Variants in NRXN1 observed in about 807,000 individuals in gnomAD.
The protein encoded by NRXN1 is neurexin-1.
Under a neutral mutation model 150.9 loss-of-function variants are expected in NRXN1, and 39 were observed. The observed-to-expected ratio is 0.26, with a 90% CI of 0.20 to 0.34. NRXN1 has a LOEUF of 0.34. Ranked by LOEUF, NRXN1 falls within the 10% of genes least tolerant of loss-of-function variation. The probability of loss-of-function intolerance (pLI) is 1.00; values close to 1 mark genes in which losing one functional copy is unlikely to be tolerated. For synonymous variants in NRXN1, 924 were observed against 757.0 expected (o/e 1.22, Z -3.62); for missense variants, 1,815 against 1,949.9 (o/e 0.93, Z 1.30).
At chr2:50,642,334 T>C (rs968608092) in intron 5 of NRXN1, among the ~76,000 whole-genome samples, 6 of 152,074 alleles carry the variant, frequency 3.9e-5, no homozygotes, top group Non-Finnish European at 8.8e-5. Flanking sequence ...AGTATTGAGA[T>C]ACATTTCATT....
chr2:50,008,192 T>A (rs1045414835), intron 21 of NRXN1, among the ~76,000 whole-genome samples: 1 of 152,144 alleles, frequency 6.6e-6, no homozygotes, highest in Non-Finnish European at 1.5e-5. Context: ...CATTGATACA[T>A]GGTTTTCCAA....
At chr2:50,288,937 T>C (rs1470181378) in intron 17 of NRXN1, among the ~76,000 whole-genome samples, 1 of 152,070 alleles carries the variant, frequency 6.6e-6, no homozygotes, top group African/African-American at 2.4e-5. Context: ...GCAGAGATTG[T>C]AGGGAAAGAG....
At chr2:50,315,410 A>G (rs1455765107) in intron 17 of NRXN1, among the ~76,000 whole-genome samples, 3 of 152,184 alleles carry the variant, frequency 2.0e-5, no homozygotes, top group Non-Finnish European at 4.4e-5. Flanking sequence ...AGTCTGCTCT[A>G]CTAAAATGGA....
At chr2:50,248,012 ATCTC>A (rs2066669052) in intron 17 of NRXN1, among the ~76,000 whole-genome samples, 1 of 151,974 alleles carries the variant, frequency 6.6e-6, no homozygotes, top group Admixed American at 6.6e-5. Context: ...GCAATTTAGA[ATCTC>A]TCTCTTTTTT....
At chr2:50,952,157 G>A (rs908516437) in intron 2 of NRXN1, among the ~76,000 whole-genome samples, 22 of 150,678 alleles carry the variant, frequency 1.5e-4, no homozygotes, top group Non-Finnish European at 2.5e-4. Context: ...TAGTAGAGAC[G>A]GGGTTTCACC....
At chr2:50,387,025 T>C (rs912457043) in intron 17 of NRXN1, among the ~76,000 whole-genome samples, 9 of 152,212 alleles carry the variant, frequency 5.9e-5, no homozygotes, top group Non-Finnish European at 8.8e-5. Context: ...TTAGCATTCC[T>C]TGCTTCATTG....
intron 21 of NRXN1, among the ~76,000 whole-genome samples, chr2:50,010,664 C>T (rs892513733): frequency 6.6e-6 from 1 of 152,050 alleles, no homozygotes; most frequent in African/African-American, 2.4e-5. Context: ...TCTCTCTGGT[C>T]CTGCTGCAAC....
intron 5 of NRXN1, among the ~76,000 whole-genome samples, chr2:50,651,744 T>C (rs1354944351): frequency 6.6e-6 from 1 of 152,028 alleles, no homozygotes; most frequent in Non-Finnish European, 1.5e-5. Context: ...CCTTCTTTTT[T>C]CCATTACTCA....
At chr2:50,176,956 C>T (rs573270480) in intron 18 of NRXN1, among the ~76,000 whole-genome samples, 6 of 151,942 alleles carry the variant, frequency 3.9e-5, no homozygotes, top group Non-Finnish European at 7.4e-5. Flanking sequence ...AAGAGTAAAC[C>T]GAGTTTCTGT....
chr2:50,615,808 ACCT>A (rs1678966670), intron 8 of NRXN1: 1 of 152,022 alleles, frequency 6.6e-6, no homozygotes, highest in Non-Finnish European at 1.5e-5. Flanking sequence ...AGATTTTCTA[ACCT>A]CCTCTCCTTT....
At chr2:50,641,334 C>G (rs767065852) in intron 5 of NRXN1, among the ~76,000 whole-genome samples, 30 of 151,940 alleles carry the variant, frequency 2.0e-4, no homozygotes, top group Non-Finnish European at 3.8e-4. Flanking sequence ...GCATGTTGGA[C>G]TAATTAAAAA....
intron 8 of NRXN1, among the ~76,000 whole-genome samples, chr2:50,593,912 G>A (rs1674706300): frequency 6.6e-6 from 1 of 151,884 alleles, no homozygotes; most frequent in Admixed American, 6.6e-5. Flanking sequence ...CTCTGAAAAG[G>A]TATAAAAAAA....
intron 8 of NRXN1, among the ~76,000 whole-genome samples, chr2:50,582,914 A>C (rs1672514555): frequency 6.6e-6 from 1 of 152,066 alleles, no homozygotes; most frequent in Admixed American, 6.6e-5. Flanking sequence ...TCTAATGTCT[A>C]ATCACAGTAC....
At position 50,346,440 on chromosome 2, in the gene NRXN1, T is replaced by A. The variant is rs371246076; in HGVS notation, c.3365-109470A>T. 4.9e-4 allele frequency among the ~76,000 whole-genome samples: 75 copies of A among 151,992 alleles called. No individual in the cohort carries two copies. Among genetic ancestry groups the A allele is most frequent in the African/African-American group, 1.8e-3 (73 of 41,474 alleles). On this transcript the variant is annotated intron_variant, in intron 17 of 22. Coordinates refer to ENST00000401669, the MANE Select transcript of NRXN1 (RefSeq NM_001330078.2). The surrounding 1 kb of genome is among the most constrained non-coding windows in gnomAD (Gnocchi z 5.0). Reference sequence around the variant, plus strand: ...ACCAGGGCTGGTCCTTTAGTAGGTGTCCACATCTCTCTCCCAGTACCTCGA... The same window carrying A: ...ACCAGGGCTGGTCCTTTAGTAGGTGACCACATCTCTCTCCCAGTACCTCGA...
At chr2:50,591,393 T>TAGATAGAC (rs1438824421) in intron 8 of NRXN1, among the ~76,000 whole-genome samples, 7 of 131,606 alleles carry the variant, frequency 5.3e-5, no homozygotes, top group African/African-American at 1.7e-4. Flanking sequence ...GATAGATAGA[T>TAGATAGAC]AGATAGATAG....
chr2:50,095,636 T>C (rs976911921), intron 18 of NRXN1, among the ~76,000 whole-genome samples: 1 of 152,162 alleles, frequency 6.6e-6, no homozygotes, highest in African/African-American at 2.4e-5. Flanking sequence ...TTCTGCAATA[T>C]GAAATGCAAA....
intron 17 of NRXN1, among the ~76,000 whole-genome samples, chr2:50,380,920 A>T (rs2103662225): frequency 6.6e-6 from 1 of 152,276 alleles, no homozygotes; most frequent in Non-Finnish European, 1.5e-5. Context: ...CCTCTAAAGA[A>T]TACAGCCAGA....
At chr2:50,580,477 T>C (rs1274908596) in intron 8 of NRXN1, among the ~76,000 whole-genome samples, 2 of 152,228 alleles carry the variant, frequency 1.3e-5, no homozygotes, top group Admixed American at 1.3e-4. Context: ...TGTTACTTGA[T>C]TAACATAGAG....
intron 5 of NRXN1, among the ~76,000 whole-genome samples, chr2:50,695,971 C>A (rs568436705): frequency 6.6e-6 from 1 of 151,470 alleles, no homozygotes; most frequent in African/African-American, 2.4e-5. Context: ...GCCTCCCAAG[C>A]AGCTGGGATT....
Sources: allele counts gnomAD v4.1 joint callset (sites outside exome capture counted in the v4.1 genomes callset), GRCh38; gene constraint gnomAD v4.1.1; non-coding constraint Gnocchi (gnomAD v3.1); transcripts MANE v1.5; gene names NCBI Gene and HGNC (gene_info 2026-07-23, HGNC 2026-07-21).